The following KLF8 variants were observed in gnomAD, a reference collection of about 807,000 sequenced individuals.
The protein encoded by KLF8 is KLF transcription factor 8.
In KLF8, 10 loss-of-function variants were observed where a neutral mutation model predicts 18.2. That is an observed-to-expected ratio of 0.55 (90% CI 0.34 to 0.93). The LOEUF (loss-of-function observed/expected upper bound fraction) is 0.93, where lower values mean the gene tolerates loss of function less well. Among genes scored for constraint, KLF8 ranks in the 40% least tolerant of loss-of-function variants. KLF8 has a pLI of 0.02. For synonymous variants in KLF8, 109 were observed against 97.3 expected, an observed-to-expected ratio of 1.12 and a Z score of -0.71; for missense variants, 264 against 277.9, an observed-to-expected ratio of 0.95 and a Z score of 0.36.
At chrX:56,268,105 A>G (rs952090732) in intron 3 of KLF8, 3 of 111,524 alleles carry the variant, frequency 2.7e-5, no homozygotes, top group Admixed American at 9.6e-5. Flanking sequence ...CTCCAGGTTC[A>G]TCTATGCTCT....
chrX:56,079,732 A>G, the KLF8 span, among the ~76,000 whole-genome samples: 4 of 110,072 alleles, frequency 3.6e-5, no homozygotes, highest in Admixed American at 9.7e-5. Context: ...TGATCTGTCT[A>G]ATGTTGACAG....
At chrX:56,247,454 C>T (rs2066637278) in intron 1 of KLF8, among the ~76,000 whole-genome samples, 1 of 111,875 alleles carries the variant, frequency 8.9e-6, no homozygotes, top group Non-Finnish European at 1.9e-5. Context: ...CTAGGCTACA[C>T]TAAATTTATA....
intron 1 of KLF8, among the ~76,000 whole-genome samples, chrX:56,241,199 G>A (rs903119819): frequency 5.4e-5 from 6 of 111,172 alleles, no homozygotes; most frequent in Middle Eastern, 4.2e-3. Flanking sequence ...ATGGAGCCTC[G>A]CTCTTTCATG....
chrX:55,967,768 GACAA>G, the KLF8 span, among the ~76,000 whole-genome samples: 1 of 111,242 alleles, frequency 9.0e-6, no homozygotes, highest in East Asian at 2.8e-4. Context: ...TAAATAGAAA[GACAA>G]ACAGATGAAC....
At chrX:56,052,386 C>G in the KLF8 span, among the ~76,000 whole-genome samples, 1 of 111,953 alleles carries the variant, frequency 8.9e-6, no homozygotes, top group Non-Finnish European at 1.9e-5. Context: ...TGTTTTTCCC[C>G]CATCTTTGTG....
At chrX:56,072,167 A>G in the KLF8 span, among the ~76,000 whole-genome samples, 4 of 111,954 alleles carry the variant, frequency 3.6e-5, no homozygotes, top group South Asian at 1.5e-3. Context: ...TGTAAGCTGC[A>G]AAGAGCTCTT....
At chrX:56,159,492 A>T in the KLF8 span, among the ~76,000 whole-genome samples, 1 of 112,713 alleles carries the variant, frequency 8.9e-6, no homozygotes, top group Non-Finnish European at 1.9e-5. Context: ...CTCTGGTAGA[A>T]TTCGGCTGTG....
At chrX:56,058,291 T>TATAC in the KLF8 span, among the ~76,000 whole-genome samples, 2 of 21,121 alleles carry the variant, frequency 9.5e-5, no homozygotes, top group Non-Finnish European at 2.5e-4. Context: ...TATATATATA[T>TATAC]ATATATATAT....
chrX:56,157,143 C>A, the KLF8 span, among the ~76,000 whole-genome samples: 4 of 104,979 alleles, frequency 3.8e-5, no homozygotes, highest in African/African-American at 1.0e-4. Flanking sequence ...GAGAAAAAAA[C>A]CAAACATCAC....
At chrX:55,986,826 C>G in the KLF8 span, among the ~76,000 whole-genome samples, 50 of 111,577 alleles carry the variant, frequency 4.5e-4, no homozygotes, top group African/African-American at 1.3e-3. Flanking sequence ...AGATACATAG[C>G]TTTCTGATCC....
the KLF8 span, among the ~76,000 whole-genome samples, chrX:56,190,924 C>G: frequency 1.8e-5 from 2 of 110,535 alleles, no homozygotes; most frequent in African/African-American, 6.6e-5. Flanking sequence ...AGAGCAAGAG[C>G]AAACAAAACC....
At chrX:56,173,641 C>A in the KLF8 span, among the ~76,000 whole-genome samples, 1 of 111,828 alleles carries the variant, frequency 8.9e-6, no homozygotes, top group Non-Finnish European at 1.9e-5. Context: ...TGAAGAAAGT[C>A]ATTGGTAGCT....
chrX:56,143,442 G>T, the KLF8 span, among the ~76,000 whole-genome samples: 4 of 111,984 alleles, frequency 3.6e-5, no homozygotes, highest in Admixed American at 1.9e-4. Context: ...TTGAATGAAG[G>T]TAACACAAGG....
the KLF8 span, among the ~76,000 whole-genome samples, chrX:56,132,132 A>G: frequency 2.7e-5 from 3 of 111,819 alleles, no homozygotes; most frequent in Non-Finnish European, 5.7e-5. Flanking sequence ...CCCTACAACA[A>G]TGGACTTAAT....
the KLF8 span, among the ~76,000 whole-genome samples, chrX:56,104,987 A>G: frequency 1.5e-4 from 17 of 112,082 alleles, no homozygotes; most frequent in South Asian, 6.3e-3. Flanking sequence ...GTAGTCACTC[A>G]GGTGCAGGTT....
At chrX:56,163,955 A>G in the KLF8 span, among the ~76,000 whole-genome samples, 1 of 111,471 alleles carries the variant, frequency 9.0e-6, no homozygotes, top group African/African-American at 3.3e-5. Flanking sequence ...CCACTGGTCT[A>G]TGTCTCTGTC....
At chrX:56,007,653 A>G in the KLF8 span, among the ~76,000 whole-genome samples, 1 of 111,234 alleles carries the variant, frequency 9.0e-6, no homozygotes, top group African/African-American at 3.3e-5. Flanking sequence ...GTGATTATCT[A>G]CTTGCTGTTT....
At chrX:56,155,585 C>T in the KLF8 span, among the ~76,000 whole-genome samples, 1 of 109,617 alleles carries the variant, frequency 9.1e-6, no homozygotes, top group East Asian at 2.9e-4. Flanking sequence ...GTACATGTAC[C>T]CTAGAACTTA....
the KLF8 span, among the ~76,000 whole-genome samples, chrX:56,216,953 T>C: frequency 7.2e-5 from 8 of 111,464 alleles, no homozygotes; most frequent in South Asian, 3.8e-4. Context: ...CCTTCCTTGA[T>C]CTCCCCTGCT....
Sources: gnomAD v4.1 joint callset for allele counts (sites outside exome capture counted in the v4.1 genomes callset) on GRCh38, gnomAD v4.1.1 for gene constraint, MANE v1.5 for transcripts, NCBI Gene and HGNC (gene_info 2026-07-23, HGNC 2026-07-21) for gene names.